The following NLGN1 variants were observed in gnomAD, a reference collection of about 807,000 sequenced individuals.
NLGN1 encodes the protein neuroligin 1, also known as neuroligin-1.
Under a neutral mutation model 65.5 loss-of-function variants are expected in NLGN1, and 12 were observed. That is an observed-to-expected ratio of 0.18 (90% CI 0.12 to 0.30). NLGN1 has a LOEUF of 0.30. NLGN1 is among the 10% of genes least tolerant of loss of function. The pLI, the probability that NLGN1 is intolerant of heterozygous loss-of-function variation, is 1.00. For synonymous variants in NLGN1, 350 were observed against 359.5 expected, an observed-to-expected ratio of 0.97 and a Z score of 0.30; for missense variants, 750 against 1,007.1, an observed-to-expected ratio of 0.74 and a Z score of 3.46.
chr3:174,137,893 G>A (rs889809143), intron 4 of NLGN1, among the ~76,000 whole-genome samples: 2 of 152,134 alleles, frequency 1.3e-5, no homozygotes, highest in African/African-American at 4.8e-5. Context: ...CACATATGGT[G>A]CCTAAACTGT....
At chr3:174,217,717 G>A (rs1737881993) in intron 4 of NLGN1, among the ~76,000 whole-genome samples, 1 of 152,072 alleles carries the variant, frequency 6.6e-6, no homozygotes, top group African/African-American at 2.4e-5. Context: ...GAGAGAAACA[G>A]TTTTTATGAA....
chr3:173,900,791 G>A (rs1231870348), intron 4 of NLGN1, among the ~76,000 whole-genome samples: 2 of 151,902 alleles, frequency 1.3e-5, no homozygotes, highest in African/African-American at 4.8e-5. Flanking sequence ...AGTAATCCTA[G>A]AATGACAGTA....
intron 4 of NLGN1, among the ~76,000 whole-genome samples, chr3:173,998,311 T>C (rs2152423459): frequency 6.6e-6 from 1 of 152,288 alleles, no homozygotes; most frequent in Non-Finnish European, 1.5e-5. Flanking sequence ...AGGGAAGCTT[T>C]TCCATTCACA....
intron 4 of NLGN1, among the ~76,000 whole-genome samples, chr3:174,151,263 T>C (rs1309696430): frequency 1.3e-5 from 2 of 151,998 alleles, no homozygotes; most frequent in Non-Finnish European, 2.9e-5. Context: ...TGTTTTTGTA[T>C]AGTACCTTAT....
chr3:173,986,702 C>A (rs1171001346), intron 4 of NLGN1, among the ~76,000 whole-genome samples: 1 of 152,164 alleles, frequency 6.6e-6, no homozygotes, highest in Non-Finnish European at 1.5e-5. Context: ...GCAGCCCTAG[C>A]AAACTAATAC....
At chr3:174,231,155 A>C (rs1376514282) in intron 4 of NLGN1, among the ~76,000 whole-genome samples, 1 of 152,160 alleles carries the variant, frequency 6.6e-6, no homozygotes, top group East Asian at 1.9e-4. Context: ...CACCGTCATA[A>C]TTTTCTCAGT....
chr3:173,682,670 A>G (rs1187287551), intron 3 of NLGN1, among the ~76,000 whole-genome samples: 1 of 151,982 alleles, frequency 6.6e-6, no homozygotes, highest in Non-Finnish European at 1.5e-5. Context: ...AATTGGGTTA[A>G]CCCATTATGC....
intron 4 of NLGN1, among the ~76,000 whole-genome samples, chr3:173,958,718 G>A (rs1199670181): frequency 1.3e-5 from 2 of 152,086 alleles, no homozygotes; most frequent in African/African-American, 4.8e-5. Context: ...GCTTCACTAG[G>A]GACTCTCCCC....
At chr3:173,764,073 C>G (rs1778399848) in intron 3 of NLGN1, among the ~76,000 whole-genome samples, 1 of 152,174 alleles carries the variant, frequency 6.6e-6, no homozygotes, top group Non-Finnish European at 1.5e-5. Context: ...CATGATCACT[C>G]TTTGAAGTTG....
intron 4 of NLGN1, among the ~76,000 whole-genome samples, chr3:174,260,649 G>C (rs1457009715): frequency 7.3e-6 from 1 of 136,684 alleles, no homozygotes; most frequent in Non-Finnish European, 1.6e-5. Context: ...TGTTCACTCT[G>C]ATGGTAGTTT....
intron 3 of NLGN1, among the ~76,000 whole-genome samples, chr3:173,657,959 G>A (rs985729761): frequency 6.6e-6 from 1 of 151,960 alleles, no homozygotes; most frequent in African/African-American, 2.4e-5. Flanking sequence ...ACTTAAGTTT[G>A]TAAGTGCATG....
chr3:173,830,568 C>T lies in NLGN1; in HGVS notation c.646+22736C>T, dbSNP rs562553832. On this transcript the variant is annotated intron_variant, in intron 4 of 6. Transcript: ENST00000457714. ...TGCTTTATTATTTTTTAAAATATGA[C>T]ACCTTATAGTCAGGAAATATTGAGG... Among the ~76,000 whole-genome samples, 29 of 152,170 alleles carry T rather than the reference C, an allele frequency of 1.9e-4. 1 individual carries two copies. In the South Asian group the frequency reaches 5.8e-3, roughly 30 times the overall value.
chr3:173,651,901 T>A (rs1179393567), intron 3 of NLGN1, among the ~76,000 whole-genome samples: 1 of 152,140 alleles, frequency 6.6e-6, no homozygotes, highest in Admixed American at 6.6e-5. Context: ...CAAGCGATTC[T>A]CCTGCCTCAG....
chr3:173,616,877 G>A (rs751019041), intron 3 of NLGN1, among the ~76,000 whole-genome samples: 5 of 151,986 alleles, frequency 3.3e-5, no homozygotes, highest in Non-Finnish European at 5.9e-5. Context: ...TCCCCTCAAG[G>A]ATTCTCTATT....
chr3:173,529,597 A>ACTCTTAGT (rs1422955346), intron 2 of NLGN1, among the ~76,000 whole-genome samples: 1 of 150,548 alleles, frequency 6.6e-6, no homozygotes, highest in Admixed American at 6.6e-5. Flanking sequence ...GGGGCTTGTG[A>ACTCTTAGT]CTCTTAGTTC....
intron 4 of NLGN1, chr3:173,910,731 G>A (rs900785668): frequency 6.6e-6 from 1 of 152,078 alleles, no homozygotes; most frequent in African/African-American, 2.4e-5. Context: ...AATTATTTTG[G>A]TAATAATGTA....
chr3:173,930,143 T>A (rs1000767049), intron 4 of NLGN1, among the ~76,000 whole-genome samples: 2 of 152,238 alleles, frequency 1.3e-5, no homozygotes, highest in Admixed American at 1.3e-4. Context: ...CACTTGATGC[T>A]TTTATAAATG....
Position 174,081,189 on chromosome 3 carries a change from T to A in NLGN1, c.647-194126T>A, listed in dbSNP as rs188604244. On this transcript the variant is annotated intron_variant, in intron 4 of 6. Coordinates refer to ENST00000457714, the Ensembl canonical transcript of NLGN1. ...AAGAAAAAGTCTGAATTGCTCCATG[T>A]TGGTGTGCATTGGAGGGAGAGAAAG... Among the ~76,000 whole-genome samples, 148 of 152,262 alleles carry A rather than the reference T, an allele frequency of 9.7e-4. 2 individuals carry two copies. In the Middle Eastern group the frequency reaches 0.017, roughly 17 times the overall value.
At chr3:173,494,874 T>C (rs1328737673) in intron 2 of NLGN1, among the ~76,000 whole-genome samples, 1 of 151,894 alleles carries the variant, frequency 6.6e-6, no homozygotes, top group Admixed American at 6.6e-5. Flanking sequence ...ATTCTTTCAC[T>C]GATCTATTTG....
Sources: gnomAD v4.1 joint callset for allele counts (sites outside exome capture counted in the v4.1 genomes callset) on GRCh38, gnomAD v4.1.1 for gene constraint, MANE v1.5 for transcripts, NCBI Gene and HGNC (gene_info 2026-07-23, HGNC 2026-07-21) for gene names.